ASAP3: variants seen among roughly 807,000 people sequenced by gnomAD.
ASAP3 encodes the protein ArfGAP with SH3 domain, ankyrin repeat and PH domain 3, also known as arf-GAP with SH3 domain, ANK repeat and PH domain-containing protein 3.
Under a neutral mutation model 118.2 loss-of-function variants are expected in ASAP3, and 85 were observed. The ratio of observed to expected loss-of-function variants is 0.72; its 90% confidence interval spans 0.60 to 0.86. The LOEUF is 0.86. Among genes scored for constraint, ASAP3 ranks in the 40% least tolerant of loss-of-function variants. The pLI is 0.00. For synonymous variants in ASAP3, 432 were observed against 477.4 expected, an observed-to-expected ratio of 0.90 and a Z score of 1.24; for missense variants, 1,026 against 1,175.0, an observed-to-expected ratio of 0.87 and a Z score of 1.85.
At position 23,436,779 on chromosome 1, in the gene ASAP3, G is replaced by A; in HGVS notation, c.1477-125C>T. Reference sequence around the variant, plus strand: ...CCCTCCCGGTTCAGGCCCCGCCCCTGACCACCCGCTACCTGGCTTGTCCCA... The same window carrying A: ...CCCTCCCGGTTCAGGCCCCGCCCCTAACCACCCGCTACCTGGCTTGTCCCA... On this transcript the variant is annotated intron_variant, in intron 15 of 24. Coordinates refer to ENST00000336689, the MANE Select transcript of ASAP3 (RefSeq NM_017707.4). This position sits in a 1 kb window ranked among gnomAD's most constrained non-coding sequence, Gnocchi z 4.2. 1.3e-6 allele frequency: 2 copies of A among 1,526,352 alleles called. No individual in the cohort carries two copies. Among genetic ancestry groups the A allele is most frequent in the Non-Finnish European group, 1.8e-6 (2 of 1,129,144 alleles). 94.6% of individuals were successfully genotyped at this position (1,526,352 alleles called of 1,614,324 possible).
Position 23,436,495 on chromosome 1 carries a change from AC to A in ASAP3, c.1571+64del. On this transcript the variant is annotated intron_variant, in intron 16 of 24. Coordinates refer to ENST00000336689, the MANE Select transcript of ASAP3 (RefSeq NM_017707.4). This position sits in a 1 kb window ranked among gnomAD's most constrained non-coding sequence, Gnocchi z 4.2. ...ACTTCTGATCCAAGACTTTTCTACGACCCTGGACACTGCGGAGGCAGAATCC... is the reference window on the plus strand; with the variant it reads ...ACTTCTGATCCAAGACTTTTCTACGACCTGGACACTGCGGAGGCAGAATCC... 6.4e-7 allele frequency: 1 copy of A among 1,565,394 alleles called. No individual in the cohort carries two copies. Among genetic ancestry groups the A allele is most frequent in the Admixed American group, 1.7e-5 (1 of 59,814 alleles).
At chr1:23,434,651 C>T (rs374305896) in intron 17 of ASAP3, 33 bp from the exon 18 acceptor site, 4 of 1,597,284 alleles carry the variant, frequency 2.5e-6, no homozygotes, top group African/African-American at 1.3e-5. Flanking sequence ...GAGATTCCCC[C>T]CCCAGTGCAC....
chr1:23,436,146 C>A lies in ASAP3; in HGVS notation c.1572-118G>T, dbSNP rs920880503. ...CTCCAGAACCATGTCCTGAAGACGT[C>A]TAGATCTGAGGCTCCCCTCTCCCCA... is the stretch of plus-strand genomic sequence containing the variant. On this transcript the variant is annotated intron_variant, in intron 16 of 24. Coordinates refer to ENST00000336689, the MANE Select transcript of ASAP3 (RefSeq NM_017707.4). The surrounding 1 kb of genome is among the most constrained non-coding windows in gnomAD (Gnocchi z 4.2). 9.0e-5 allele frequency: 105 copies of A among 1,173,158 alleles called. No homozygotes were observed. In the African/African-American group the frequency reaches 1.5e-3, roughly 17 times the overall value. The allele number at this position is 1,173,158 out of a possible 1,614,324, so 72.7% of individuals were successfully genotyped here.
intron 11 of ASAP3, 78 bp downstream of exon 11, chr1:23,439,083 G>T: frequency 6.4e-7 from 1 of 1,551,300 alleles, no homozygotes; most frequent in Non-Finnish European, 8.9e-7. Flanking sequence ...TAGAGGGAGG[G>T]CTTGACATTA....
rs1641212950 is a variant in ASAP3, at chr1:23,451,497, TTCC to T, written c.452_454del (p.Trp151_Lys152delinsTer). 1 of 1,614,138 alleles carries T rather than the reference TTCC, an allele frequency of 6.2e-7. No individual in the cohort carries two copies. The highest frequency in any genetic ancestry group is 1.1e-5 in the South Asian group (1 of 91,094). On this transcript the variant is annotated stop_gained and inframe_deletion, in exon 5 of 25. Transcript: ENST00000336689. LOFTEE classifies it high-confidence loss of function. ...CACTTACATTTTGGCTTCATAGTCC[TTCC>T]ATGCCTTCTCCAGCTGTTTTTTGGA... is the stretch of plus-strand genomic sequence containing the variant.
chr1:23,460,249 A>G (rs1242183793), intron 1 of ASAP3, among the ~76,000 whole-genome samples: 2 of 152,122 alleles, frequency 1.3e-5, no homozygotes, highest in Non-Finnish European at 2.9e-5. Context: ...GTTCACGCCT[A>G]TAATCCCAGC....
chr1:23,478,238 G>A (rs1358223659), intron 1 of ASAP3, among the ~76,000 whole-genome samples: 1 of 152,224 alleles, frequency 6.6e-6, no homozygotes, highest in East Asian at 1.9e-4. Context: ...GCCGAGGTGG[G>A]TGGATCACCT....
chr1:23,443,699 CTTT>C (rs780457191), intron 5 of ASAP3, among the ~76,000 whole-genome samples: 2 of 137,186 alleles, frequency 1.5e-5, no homozygotes, highest in African/African-American at 2.7e-5. Flanking sequence ...CCCAGCTAAT[CTTT>C]TTTTTTTTTT....
intron 10 of ASAP3, among the ~76,000 whole-genome samples, chr1:23,440,125 ATTT>A (rs539194086): frequency 3.0e-5 from 4 of 133,532 alleles, no homozygotes; most frequent in Admixed American, 7.7e-5. Context: ...CCACAGACTG[ATTT>A]TTTTTTTTTT....
At chr1:23,458,492 G>A (rs1041992543) in intron 1 of ASAP3, among the ~76,000 whole-genome samples, 8 of 152,058 alleles carry the variant, frequency 5.3e-5, no homozygotes, top group African/African-American at 1.9e-4. Flanking sequence ...CCAGCTACTT[G>A]GGAGGCTGAG....
chr1:23,484,070 C>T lies in ASAP3; in HGVS notation c.64G>A (p.Ala22Thr). 3 of 1,351,568 alleles carry T rather than the reference C, an allele frequency of 2.2e-6. No homozygotes were observed. Among genetic ancestry groups the T allele is most frequent in the South Asian group, 1.8e-5 (1 of 54,618 alleles). 83.7% of individuals were successfully genotyped at this position (1,351,568 alleles called of 1,614,324 possible). The change falls in exon 1 of 25, where the codon GCT becomes ACT. Residue 22 changes from alanine to threonine, a missense_variant. By Grantham distance (58) the Ala-to-Thr change is moderately conservative. Transcript: ENST00000336689. ...AVTAEDLSSP[A>T]GAAAFAAKMP... is the part of the protein sequence containing the mutation. ...TTGGCGGCGAAGGCGGCGGCCCCAGCCGGGGAGCTGAGGTCCTCCGCGGTG... is the reference window on the plus strand; with the variant it reads ...TTGGCGGCGAAGGCGGCGGCCCCAGTCGGGGAGCTGAGGTCCTCCGCGGTG...
At chr1:23,475,865 A>G (rs1290467756) in intron 1 of ASAP3, among the ~76,000 whole-genome samples, 1 of 152,168 alleles carries the variant, frequency 6.6e-6, no homozygotes, top group Non-Finnish European at 1.5e-5. Context: ...AAGCACGAGG[A>G]TTGCTTAAGC....
Position 23,434,256 on chromosome 1 carries a change from G to A in ASAP3, c.1949C>T (p.Thr650Ile), listed in dbSNP as rs780277335. 1.1e-5 allele frequency: 17 copies of A among 1,614,082 alleles called. No individual in the cohort carries two copies. In the South Asian group the frequency reaches 1.8e-4, roughly 17 times the overall value. ...LLLKGRALVG[T>I]VNEAGETALD... ...CGGAGGAGGTATTCAAGCCCCACCT[G>A]TGCCAACCAAAGCTCTCCCCTTCAG... The change falls in exon 19 of 25, where the codon ACA (threonine) becomes ATA (isoleucine). Residue 650 changes from threonine to isoleucine, a missense_variant and splice_region_variant. Thr to Ile is a moderately conservative substitution (Grantham distance 89). Coordinates refer to ENST00000336689, the MANE Select transcript of ASAP3 (RefSeq NM_017707.4).
chr1:23,463,106 A>G (rs1468188125), intron 1 of ASAP3, among the ~76,000 whole-genome samples: 2 of 152,204 alleles, frequency 1.3e-5, no homozygotes, highest in Non-Finnish European at 2.9e-5. Context: ...TCCTCCATTC[A>G]TTCATTCATT....
In ASAP3 at chr1:23,437,156, C is replaced by T. The variant is rs1287648210; in HGVS notation, c.1316G>A (p.Ser439Asn). The T allele has an allele frequency of 1.2e-6, 2 of 1,607,854 alleles. No homozygotes were observed. The highest frequency in any genetic ancestry group is 1.7e-5 in the Admixed American group (1 of 59,276). The change falls in exon 14 of 25, where the codon AGC (serine) becomes AAC (asparagine). Residue 439 changes from serine to asparagine, a missense_variant. Transcript: ENST00000336689. This position sits in a 1 kb window ranked among gnomAD's most constrained non-coding sequence, Gnocchi z 6.1. ...IAEVKSRPGN[S>N]QCCDCGAADP... Reference sequence around the variant, plus strand: ...TGCAGCCCCGCAGTCGCAGCACTGGCTATTCCCAGGCCTGCTCTTCACCTC... The same window carrying T: ...TGCAGCCCCGCAGTCGCAGCACTGGTTATTCCCAGGCCTGCTCTTCACCTC...
At chr1:23,460,502 A>C (rs1296476571) in intron 1 of ASAP3, among the ~76,000 whole-genome samples, 1 of 88,994 alleles carries the variant, frequency 1.1e-5, no homozygotes, top group Non-Finnish European at 2.4e-5. Context: ...GTGAGACTCC[A>C]TCTCAAAAAA....
Position 23,429,924 on chromosome 1 carries a change from T to C in ASAP3, c.2644A>G (p.Ile882Val), listed in dbSNP as rs200298634. 997 of 1,613,812 alleles carry C rather than the reference T, an allele frequency of 6.2e-4. 1 individual carries two copies. Among genetic ancestry groups the C allele is most frequent in the South Asian group, 1.7e-3 (158 of 90,982 alleles). ...GTCCTTGAGCCATCTCCTTCAGTGA[T>C]GCCAACCTGCAGAAAGAAGGATGAA... ...PLPRRNVPVGITEGDGSRTGS... is the reference protein window; with the variant it reads ...PLPRRNVPVGVTEGDGSRTGS... The change falls in exon 25 of 25, where the codon ATC (isoleucine) becomes GTC (valine). Residue 882 changes from isoleucine to valine, a missense_variant. Physicochemically the swap from Ile to Val is conservative, Grantham distance 29 (BLOSUM62 3). Coordinates refer to ENST00000336689, the MANE Select transcript of ASAP3 (RefSeq NM_017707.4).
intron 1 of ASAP3, among the ~76,000 whole-genome samples, chr1:23,483,174 G>A (rs111798250): frequency 6.6e-6 from 1 of 152,368 alleles, no homozygotes; most frequent in Non-Finnish European, 1.5e-5. Context: ...AAGGTGAAGG[G>A]TGGAAGGCTA....
At chr1:23,434,449 G>A in intron 18 of ASAP3, 80 bp from the exon 19 acceptor site, 2 of 1,600,578 alleles carry the variant, frequency 1.2e-6, no homozygotes, top group South Asian at 1.1e-5. Context: ...AAGTGGGAGG[G>A]GAAAGGAGGG....
Sources: allele counts gnomAD v4.1 joint callset (sites outside exome capture counted in the v4.1 genomes callset), GRCh38; gene constraint gnomAD v4.1.1; non-coding constraint Gnocchi (gnomAD v3.1); transcripts MANE v1.5; gene names NCBI Gene and HGNC (gene_info 2026-07-23, HGNC 2026-07-21).